SFMBT2: variants seen among roughly 807,000 people sequenced by gnomAD.
The protein encoded by SFMBT2 is scm-like with four MBT domains protein 2.
A neutral mutation model predicts 110.1 loss-of-function variants in SFMBT2; 38 were observed. The ratio of observed to expected loss-of-function variants is 0.35; its 90% CI spans 0.27 to 0.45. The LOEUF is 0.45. SFMBT2 is among the 20% of genes least tolerant of loss of function. SFMBT2 has a pLI of 1.00. For synonymous variants in SFMBT2, 425 were observed against 425.4 expected (o/e 1.00, Z 0.01); for missense variants, 1,011 against 1,094.9 (o/e 0.92, Z 1.08).
At chr10:7,308,371 AAAC>A (rs1842754980) in intron 4 of SFMBT2, among the ~76,000 whole-genome samples, 1 of 151,764 alleles carries the variant, frequency 6.6e-6, no homozygotes, top group African/African-American at 2.4e-5. Context: ...AAAAACAAAC[AAAC>A]AACAACAAAA....
At position 7,367,018 on chromosome 10, in the gene SFMBT2, C is replaced by T. The variant is rs1323264714; in HGVS notation, c.436+631G>A. On this transcript the variant is annotated intron_variant, in intron 4 of 20. Coordinates refer to ENST00000397167, the MANE Select transcript of SFMBT2 (RefSeq NM_001387889.1). This position sits in a 1 kb window ranked among gnomAD's most constrained non-coding sequence, Gnocchi z 6.2. The stretch of plus-strand genomic sequence containing the variant: ...ATCATATCTATATGGGCTTTGACCA[C>T]TCCCTTGAGACCAATGTCATTTCTC... Among the ~76,000 whole-genome samples, 1 of 152,036 alleles carries T rather than the reference C, an allele frequency of 6.6e-6. No individual in the cohort carries two copies. Among genetic ancestry groups the T allele is most frequent in the Non-Finnish European group, 1.5e-5 (1 of 68,014 alleles).
chr10:7,218,731 C>A (rs1189918114), intron 11 of SFMBT2, among the ~76,000 whole-genome samples: 1 of 152,150 alleles, frequency 6.6e-6, no homozygotes, highest in Middle Eastern at 3.4e-3. Context: ...AAAATACTGC[C>A]CAAAATGTTA....
intron 15 of SFMBT2, among the ~76,000 whole-genome samples, chr10:7,190,693 G>A (rs1838571892): frequency 6.6e-6 from 1 of 152,202 alleles, no homozygotes; most frequent in Admixed American, 6.5e-5. Flanking sequence ...GAATTATTGT[G>A]CTTTGCAAAA....
intron 1 of SFMBT2, among the ~76,000 whole-genome samples, chr10:7,395,874 T>C (rs58225960): frequency 0.1 from 15,490 of 152,226 alleles, 946 homozygotes; most frequent in African/African-American, 0.17. Context: ...TCTACTTTTA[T>C]ATTACTGCTT....
At chr10:7,399,356 C>T (rs1846011793) in intron 1 of SFMBT2, among the ~76,000 whole-genome samples, 1 of 152,168 alleles carries the variant, frequency 6.6e-6, no homozygotes, top group African/African-American at 2.4e-5. Flanking sequence ...CCTCAGCCTC[C>T]CAAGTACCTG....
intron 10 of SFMBT2, among the ~76,000 whole-genome samples, chr10:7,226,804 T>C (rs1211512172): frequency 6.6e-6 from 1 of 152,216 alleles, no homozygotes. Flanking sequence ...TATATGGTTA[T>C]ACCACATAAC....
At chr10:7,344,802 C>A (rs1443800986) in intron 4 of SFMBT2, among the ~76,000 whole-genome samples, 2 of 151,490 alleles carry the variant, frequency 1.3e-5, no homozygotes, top group African/African-American at 4.9e-5. Flanking sequence ...AAAATACACA[C>A]AAAAAAATTA....
At position 7,172,502 on chromosome 10, in the gene SFMBT2, G is replaced by T; in HGVS notation, c.2144C>A (p.Ser715Ter). 1 of 1,613,940 alleles carries T rather than the reference G, an allele frequency of 6.2e-7. No homozygotes were observed. Among genetic ancestry groups the T allele is most frequent in the Non-Finnish European group, 8.5e-7 (1 of 1,180,030 alleles). Residue 715 changes from serine to a stop codon, truncating the protein, a stop_gained, in exon 18 of 21, where the codon TCG becomes TAG. Transcript: ENST00000397167. LOFTEE classifies it high-confidence loss of function. The surrounding 1 kb of genome is among the most constrained non-coding windows in gnomAD (Gnocchi z 4.6). The part of the protein sequence containing the change: ...RSSAVDFTAG[S>*]GEESEEEDAD... ...GCCCCGGGCAGAACATACCTCCCCC[G>T]AGCCCGCGGTGAAGTCCACGGCAGA...
Position 7,331,841 on chromosome 10 carries a change from T to A in SFMBT2, c.436+35808A>T, listed in dbSNP as rs150052447. 2.6e-5 allele frequency among the ~76,000 whole-genome samples: 4 copies of A among 151,792 alleles called. No homozygotes were observed. The East Asian group carries it at 7.7e-4, about 29-fold the overall frequency. ...CAACATGGTGAAACCCTGTCTCTAC[T>A]GAAAAAAACAATACAAAAATTAGCC... is the stretch of plus-strand genomic sequence containing the variant. On this transcript the variant is annotated intron_variant, in intron 4 of 20. Coordinates refer to ENST00000397167, the MANE Select transcript of SFMBT2 (RefSeq NM_001387889.1).
At chr10:7,194,792 A>G (rs931799578) in intron 15 of SFMBT2, among the ~76,000 whole-genome samples, 13 of 152,170 alleles carry the variant, frequency 8.5e-5, no homozygotes, top group Non-Finnish European at 1.6e-4. Context: ...TAGTTTTGTC[A>G]TTAGAAAACT....
At chr10:7,262,235 G>GT (rs1214936971) in intron 7 of SFMBT2, among the ~76,000 whole-genome samples, 1 of 150,464 alleles carries the variant, frequency 6.6e-6, no homozygotes, top group Non-Finnish European at 1.5e-5. Context: ...GTTTTTTAAT[G>GT]TTTTTTGGAG....
chr10:7,254,036 G>T (rs1840910970), intron 7 of SFMBT2, among the ~76,000 whole-genome samples: 1 of 152,138 alleles, frequency 6.6e-6, no homozygotes, highest in Non-Finnish European at 1.5e-5. Flanking sequence ...TTCTGACGGG[G>T]TTTGCCACTG....
intron 4 of SFMBT2, among the ~76,000 whole-genome samples, chr10:7,346,403 CGG>C (rs935808265): frequency 1.1e-4 from 16 of 152,110 alleles, no homozygotes; most frequent in African/African-American, 3.9e-4. Context: ...GAGCAAGACA[CGG>C]GTAATTTTTA....
intron 9 of SFMBT2, among the ~76,000 whole-genome samples, chr10:7,240,618 C>T (rs143595824): frequency 2.1e-4 from 32 of 152,042 alleles, no homozygotes; most frequent in Non-Finnish European, 3.7e-4. Flanking sequence ...GCACTCTCAA[C>T]GGCAATGTCT....
intron 7 of SFMBT2, among the ~76,000 whole-genome samples, chr10:7,250,437 T>C (rs1282013419): frequency 6.6e-6 from 1 of 152,186 alleles, no homozygotes; most frequent in Non-Finnish European, 1.5e-5. Context: ...TTTATGGCTA[T>C]GCAATATTCC....
chr10:7,287,646 C>T (rs879661583), intron 4 of SFMBT2, among the ~76,000 whole-genome samples: 2 of 152,192 alleles, frequency 1.3e-5, no homozygotes, highest in Non-Finnish European at 2.9e-5. Context: ...CGTGGGCAGC[C>T]CGGGCTCCAC....
intron 4 of SFMBT2, among the ~76,000 whole-genome samples, chr10:7,359,273 C>A (rs1186756527): frequency 6.6e-6 from 1 of 152,194 alleles, no homozygotes; most frequent in Non-Finnish European, 1.5e-5. Flanking sequence ...GGAGCTGAGC[C>A]CTCCATGCAC....
At chr10:7,376,727 C>CAAAAAAAAAAAAA (rs35816107) in intron 2 of SFMBT2, among the ~76,000 whole-genome samples, 3 of 44,736 alleles carry the variant, frequency 6.7e-5, no homozygotes, top group African/African-American at 3.1e-4. Flanking sequence ...GGCCCTCCCA[C>CAAAAAAAAAAAAA]AAAAAAAAAA....
chr10:7,180,515 G>A (rs1838214574), intron 16 of SFMBT2, among the ~76,000 whole-genome samples: 1 of 152,102 alleles, frequency 6.6e-6, no homozygotes, highest in Non-Finnish European at 1.5e-5. Flanking sequence ...GACTGTGGAG[G>A]AGGTAAAAAG....
Sources: gnomAD v4.1 joint callset for allele counts (sites outside exome capture counted in the v4.1 genomes callset) on GRCh38, gnomAD v4.1.1 for gene constraint, Gnocchi (gnomAD v3.1) non-coding constraint, MANE v1.5 for transcripts, NCBI Gene and HGNC (gene_info 2026-07-23, HGNC 2026-07-21) for gene names.